Variants in PDZD8 observed in about 807,000 individuals in gnomAD.
PDZD8 encodes the protein PDZ domain containing 8, also known as PDZ domain-containing protein 8.
PDZD8 carries 14 observed loss-of-function variants against 85.8 expected under a neutral mutation model. The observed-to-expected ratio is 0.16, with a 90% confidence interval of 0.11 to 0.26. The LOEUF (loss-of-function observed/expected upper bound fraction) is 0.26. PDZD8 is among the 10% of genes least tolerant of loss of function. The pLI, the probability that PDZD8 is intolerant of heterozygous loss-of-function variation, is 1.00. For missense variants in PDZD8, 1,197 were observed against 1,424.3 expected (o/e 0.84, Z 2.57); for synonymous variants, 592 against 568.6 (o/e 1.04, Z -0.59).
At chr10:117,347,684 T>C (rs1844732849) in intron 1 of PDZD8, among the ~76,000 whole-genome samples, 1 of 151,906 alleles carries the variant, frequency 6.6e-6, no homozygotes, top group Non-Finnish European at 1.5e-5. Context: ...GTACAATAAG[T>C]GAAATTTAAA....
intron 1 of PDZD8, among the ~76,000 whole-genome samples, chr10:117,354,384 C>G (rs1164283027): frequency 6.6e-6 from 1 of 152,180 alleles, no homozygotes; most frequent in Non-Finnish European, 1.5e-5. Context: ...GTTTTCTTCT[C>G]TTCTTTATGC....
rs763242837 is a variant in PDZD8 at position 117,285,278 on chromosome 10, C to A, written c.1455G>T (p.Leu485Phe). 2 of 1,614,190 alleles carry A rather than the reference C, an allele frequency of 1.2e-6. No individual in the cohort carries two copies. The highest frequency in any genetic ancestry group is 2.2e-5 in the South Asian group (2 of 91,082). Reference protein sequence around the residue: ...QSGYEEEAAGLTVDTESRELD... With the variant: ...QSGYEEEAAGFTVDTESRELD... The stretch of plus-strand genomic sequence containing the variant: ...GCTCTCTACTTTCAGTATCTACTGT[C>A]AACCCGGCAGCTTCCTCTTCATAAC... Residue 485 changes from leucine to phenylalanine, a missense_variant, in exon 5 of 5, where the codon TTG becomes TTT. Leu to Phe is a conservative substitution (Grantham distance 22). Transcript: ENST00000334464.
intron 3 of PDZD8, among the ~76,000 whole-genome samples, chr10:117,315,520 G>A (rs1465016382): frequency 1.3e-5 from 2 of 149,624 alleles, no homozygotes; most frequent in African/African-American, 2.5e-5. Context: ...GATCCAGGAG[G>A]TGGAGGTTGC....
chr10:117,348,210 T>C (rs907497569), intron 1 of PDZD8, among the ~76,000 whole-genome samples: 1 of 152,210 alleles, frequency 6.6e-6, no homozygotes, highest in African/African-American at 2.4e-5. Context: ...GTTAGAATTG[T>C]CTGATAAAAT....
chr10:117,291,046 T>A (rs1301356851), intron 3 of PDZD8, among the ~76,000 whole-genome samples: 2 of 151,352 alleles, frequency 1.3e-5, no homozygotes, highest in African/African-American at 2.4e-5. Flanking sequence ...GTTTTTGTAT[T>A]TTTTTGTGTA....
chr10:117,330,147 A>C (rs749666348), intron 2 of PDZD8, among the ~76,000 whole-genome samples: 1 of 151,834 alleles, frequency 6.6e-6, no homozygotes, highest in African/African-American at 2.4e-5. Flanking sequence ...ACCTGTTGTT[A>C]AAAGAATCAG....
chr10:117,301,594 A>G (rs1376619080), intron 3 of PDZD8, among the ~76,000 whole-genome samples: 1 of 152,176 alleles, frequency 6.6e-6, no homozygotes, highest in Non-Finnish European at 1.5e-5. Context: ...ATTTCGGTAA[A>G]TGCCAGATGT....
In PDZD8 at chr10:117,305,461, TACACACACATACAC is replaced by T. The variant is rs879740063; in HGVS notation, c.1098+13397_1098+13410del. Among the ~76,000 whole-genome samples the T allele has an allele frequency of 5.4e-3, 301 of 55,260 alleles. 1 individual carries two copies. Among genetic ancestry groups the T allele is most frequent in the African/African-American group, 0.016 (227 of 14,398 alleles). 36.3% of individuals were successfully genotyped at this position (55,260 alleles called of 152,430 possible). A position where few individuals can be genotyped will look rare whatever the true frequency, so the allele number is the denominator to read the frequency against. ...AAATACACACACACACACACATATA[TACACACACATACAC>T]ACACACACACACACACACACACACA... On this transcript the variant is annotated intron_variant, in intron 3 of 4. Coordinates refer to ENST00000334464, the MANE Select transcript of PDZD8 (RefSeq NM_173791.5).
At chr10:117,345,855 C>T (rs1293194538) in intron 1 of PDZD8, among the ~76,000 whole-genome samples, 1 of 152,094 alleles carries the variant, frequency 6.6e-6, no homozygotes, top group Non-Finnish European at 1.5e-5. Context: ...TAAAACGTTT[C>T]TTATCAGACT....
intron 1 of PDZD8, among the ~76,000 whole-genome samples, chr10:117,370,873 C>T (rs758715249): frequency 1.2e-4 from 18 of 150,972 alleles, no homozygotes; most frequent in Non-Finnish European, 2.4e-4. Flanking sequence ...TTTACTATAT[C>T]GATGGCATGC....
At chr10:117,305,348 G>C (rs1843917076) in intron 3 of PDZD8, among the ~76,000 whole-genome samples, 1 of 152,010 alleles carries the variant, frequency 6.6e-6, no homozygotes, top group African/African-American at 2.4e-5. Context: ...GGAGGCAAGA[G>C]GTTGCAGTGA....
chr10:117,344,622 C>T (rs887078332), intron 1 of PDZD8, among the ~76,000 whole-genome samples: 2 of 152,108 alleles, frequency 1.3e-5, no homozygotes, highest in African/African-American at 4.8e-5. Context: ...CTCCTGACCT[C>T]GTGATCTGCC....
Position 117,374,086 on chromosome 10 carries a change from T to C in PDZD8, c.872+270A>G, listed in dbSNP as rs930034198. Among the ~76,000 whole-genome samples the C allele has an allele frequency of 6.6e-6, 1 of 152,224 alleles. No individual in the cohort carries two copies. The highest frequency in any genetic ancestry group is 1.5e-5 in the Non-Finnish European group (1 of 68,038). Reference sequence around the variant, plus strand: ...GTAGGCTTCCCTTCCATTTCCAATATGCTGCTTATAAAAGGAGACGATTCT... The same window carrying C: ...GTAGGCTTCCCTTCCATTTCCAATACGCTGCTTATAAAAGGAGACGATTCT... On this transcript the variant is annotated intron_variant, in intron 1 of 4. Coordinates refer to ENST00000334464, the MANE Select transcript of PDZD8 (RefSeq NM_173791.5). The surrounding 1 kb of genome is among the most constrained non-coding windows in gnomAD (Gnocchi z 7.8).
At chr10:117,371,927 G>A (rs1320588218) in intron 1 of PDZD8, among the ~76,000 whole-genome samples, 2 of 152,014 alleles carry the variant, frequency 1.3e-5, no homozygotes, top group Non-Finnish European at 1.5e-5. Context: ...CTGGGCAACC[G>A]AACAAAATCC....
intron 3 of PDZD8, among the ~76,000 whole-genome samples, chr10:117,312,655 A>G (rs2794436): frequency 0.77 from 116,861 of 152,050 alleles, 45,562 homozygotes; most frequent in Non-Finnish European, 0.85. Flanking sequence ...TGCTCTACAG[A>G]TTTAGTTCCA....
intron 1 of PDZD8, among the ~76,000 whole-genome samples, chr10:117,351,918 ATCC>A (rs1253042240): frequency 1.3e-5 from 2 of 151,698 alleles, no homozygotes; most frequent in Non-Finnish European, 1.5e-5. Context: ...GGTCCAAGCA[ATCC>A]TCCTGCTTCG....
chr10:117,366,604 C>A (rs1214684123), intron 1 of PDZD8, among the ~76,000 whole-genome samples: 1 of 151,996 alleles, frequency 6.6e-6, no homozygotes, highest in African/African-American at 2.4e-5. Context: ...CCACCACCAC[C>A]ACCACCACCA....
chr10:117,330,032 G>T (rs1402702205), intron 2 of PDZD8, among the ~76,000 whole-genome samples: 4 of 104,052 alleles, frequency 3.8e-5, no homozygotes, highest in South Asian at 4.8e-4. Flanking sequence ...GAGGGAAGGA[G>T]GGAGGGAGGG....
At chr10:117,315,707 C>T (rs962183947) in intron 3 of PDZD8, among the ~76,000 whole-genome samples, 1 of 151,682 alleles carries the variant, frequency 6.6e-6, no homozygotes, top group Non-Finnish European at 1.5e-5. Flanking sequence ...CTTAGGATCT[C>T]TCTCTTTCAA....
Sources: gnomAD v4.1 joint callset for allele counts (sites outside exome capture counted in the v4.1 genomes callset) on GRCh38, gnomAD v4.1.1 for gene constraint, Gnocchi (gnomAD v3.1) non-coding constraint, MANE v1.5 for transcripts, NCBI Gene and HGNC (gene_info 2026-07-23, HGNC 2026-07-21) for gene names.